Variants in FBXL18 observed in about 807,000 individuals in gnomAD.
FBXL18 encodes the protein F-box and leucine rich repeat protein 18, also known as F-box/LRR-repeat protein 18.
FBXL18 carries 36 observed loss-of-function variants against 46.0 expected under a neutral mutation model. The observed-to-expected ratio is 0.78, with a 90% confidence interval of 0.60 to 1.03. The LOEUF is 1.03. FBXL18 is among the 50% of genes least tolerant of loss of function. The pLI, the probability that FBXL18 is intolerant of heterozygous loss-of-function variation, is 0.00. For synonymous variants in FBXL18, 557 were observed against 465.3 expected (o/e 1.20, Z -2.54); for missense variants, 977 against 1,004.1 (o/e 0.97, Z 0.36).
In FBXL18 at chr7:5,496,742, G is replaced by C. The variant is rs961518707; in HGVS notation, c.1781+3746C>G. On this transcript the variant is annotated intron_variant, in intron 3 of 4. Coordinates refer to ENST00000382368, the MANE Select transcript of FBXL18 (RefSeq NM_024963.6). The surrounding 1 kb of genome is among the most constrained non-coding windows in gnomAD (Gnocchi z 4.8). Reference sequence around the variant, plus strand: ...ACAAAAAATACAAAAAACTAGCCAGGCGGCCGGGCACAGTGGCTTACGCCT... The same window carrying C: ...ACAAAAAATACAAAAAACTAGCCAGCCGGCCGGGCACAGTGGCTTACGCCT... Among the ~76,000 whole-genome samples, 18 of 152,096 alleles carry C rather than the reference G, an allele frequency of 1.2e-4. No homozygotes were observed. The highest frequency in any genetic ancestry group is 2.1e-4 in the Non-Finnish European group (14 of 67,982).
intron 4 of FBXL18, among the ~76,000 whole-genome samples, chr7:5,456,243 C>T (rs957817472): frequency 6.6e-6 from 1 of 152,188 alleles, no homozygotes; most frequent in Non-Finnish European, 1.5e-5. Flanking sequence ...TCTGCTCTCT[C>T]GGGACAGTGC....
chr7:5,509,871 C>T (rs912415788), intron 1 of FBXL18, among the ~76,000 whole-genome samples: 8 of 152,196 alleles, frequency 5.3e-5, no homozygotes, highest in East Asian at 1.9e-4. Context: ...TCTCCATCTC[C>T]GGCCAGAGGA....
At chr7:5,489,353 G>A in intron 4 of FBXL18, 23 of 517,962 alleles carry the variant, frequency 4.4e-5, no homozygotes, top group South Asian at 2.9e-4. Flanking sequence ...GGTTGATGTT[G>A]GCCAGGCGTT....
At chr7:5,493,688 T>TGCGTGCGTGC (rs1284471744) in intron 3 of FBXL18, among the ~76,000 whole-genome samples, 3 of 141,524 alleles carry the variant, frequency 2.1e-5, no homozygotes, top group Admixed American at 1.4e-4. Context: ...TGCGTGCGTG[T>TGCGTGCGTGC]GTGTGTGTGG....
chr7:5,459,211 C>G (rs1783211193), intron 4 of FBXL18, among the ~76,000 whole-genome samples: 1 of 152,218 alleles, frequency 6.6e-6, no homozygotes, highest in Non-Finnish European at 1.5e-5. Context: ...TACTCCAGAA[C>G]TCAGGCCGGC....
chr7:5,482,001 C>T, intron 4 of FBXL18, 70 bp from the exon 5 acceptor site: 1 of 1,521,098 alleles, frequency 6.6e-7, no homozygotes, highest in Non-Finnish European at 8.8e-7. Context: ...GCTGGGGAAG[C>T]CCAGGAGGCA....
chr7:5,467,299 C>T (rs768372942), intron 4 of FBXL18, among the ~76,000 whole-genome samples: 4 of 151,994 alleles, frequency 2.6e-5, no homozygotes, highest in East Asian at 1.9e-4. Flanking sequence ...TGCAGTGAGC[C>T]GAGATTGCGC....
chr7:5,499,913 T>C lies in FBXL18; in HGVS notation c.1781+575A>G, dbSNP rs1402798939. Among the ~76,000 whole-genome samples, 4 of 150,742 alleles carry C rather than the reference T, an allele frequency of 2.7e-5. No individual in the cohort carries two copies. The East Asian group carries it at 5.8e-4, about 22-fold the overall frequency. ...GTCTGTACACAATTTTAAAAATATA[T>C]ATATAGCCAGGCATGATGGCATATG... On this transcript the variant is annotated intron_variant, in intron 3 of 4. Transcript: ENST00000382368.
intron 1 of FBXL18, among the ~76,000 whole-genome samples, chr7:5,508,776 C>T (rs1784456788): frequency 6.6e-6 from 1 of 152,080 alleles, no homozygotes; most frequent in African/African-American, 2.4e-5. Flanking sequence ...CAGGGACAGT[C>T]CTTATCAAGG....
intron 4 of FBXL18, among the ~76,000 whole-genome samples, chr7:5,460,851 G>C (rs1030041061): frequency 1.3e-5 from 2 of 152,124 alleles, no homozygotes; most frequent in Admixed American, 1.3e-4. Flanking sequence ...CTGCAGCCCC[G>C]AAACATTTGT....
chr7:5,467,089 C>T (rs1410604444), intron 4 of FBXL18, among the ~76,000 whole-genome samples: 6 of 152,156 alleles, frequency 3.9e-5, no homozygotes, highest in Admixed American at 1.3e-4. Flanking sequence ...CAGTGGCTCA[C>T]GCCTGTAATC....
rs11769770 is a variant in FBXL18 at position 5,463,745 on chromosome 7, T to A, written c.2001-15902A>T. 8.7e-3 allele frequency among the ~76,000 whole-genome samples: 548 copies of A among 62,702 alleles called. 6 individuals carry two copies. The highest frequency in any genetic ancestry group is 0.034 in the Middle Eastern group (4 of 118). The allele number at this position is 62,702 out of a possible 152,430, so 41.1% of individuals were successfully genotyped here. A position where few individuals can be genotyped will look rare whatever the true frequency, so the allele number is the denominator to read the frequency against. On this transcript the variant is annotated intron_variant and NMD_transcript_variant, in intron 4 of 6. Transcript: ENST00000415009. ...ATTTATTTATTTTTTTTTTTTTTTT[T>A]TTTTTTTTTTTTTGAGACGGAGTCT...
chr7:5,467,235 C>G (rs1414132298), intron 4 of FBXL18, among the ~76,000 whole-genome samples: 2 of 152,144 alleles, frequency 1.3e-5, no homozygotes, highest in Admixed American at 6.6e-5. Context: ...CCTGTAGTCC[C>G]AGCTGCTCGG....
intron 4 of FBXL18, among the ~76,000 whole-genome samples, chr7:5,470,724 G>C (rs868372664): frequency 7.1e-6 from 1 of 141,806 alleles, no homozygotes. Context: ...CCCTTCCCGG[G>C]GGGGAGATGT....
Position 5,456,986 on chromosome 7 carries a change from A to G in FBXL18, c.2001-9143T>C, listed in dbSNP as rs112325967. ...ACCATGTTGGCCAGGCTGGTCTCAA[A>G]CTCCTGTCCTCAAGTGATCCACCTG... On this transcript the variant is annotated intron_variant and NMD_transcript_variant, in intron 4 of 6. Coordinates refer to the FBXL18 transcript ENST00000415009. Among the ~76,000 whole-genome samples, 747 of 152,166 alleles carry G rather than the reference A, an allele frequency of 4.9e-3. 6 individuals carry two copies. Among genetic ancestry groups the G allele is most frequent in the South Asian group, 0.017 (80 of 4,812 alleles).
intron 4 of FBXL18, 134 bp downstream of exon 4, chr7:5,491,097 T>A: frequency 1.2e-6 from 1 of 811,504 alleles, no homozygotes; most frequent in Non-Finnish European, 2.0e-6. Flanking sequence ...CCCCTTGCTT[T>A]CACCCTGTCA....
chr7:5,472,018 G>T (rs1487113696), downstream of FBXL18, among the ~76,000 whole-genome samples: 2 of 152,270 alleles, frequency 1.3e-5, no homozygotes, highest in South Asian at 2.1e-4. Context: ...AGCCCAGGAG[G>T]TCGAGGCTGC....
rs929510629 is a variant in FBXL18 at position 5,477,829 on chromosome 7, C to T, written c.*3946G>A. 6.6e-6 allele frequency: 1 copy of T among 152,404 alleles called. No individual in the cohort carries two copies. The highest frequency in any genetic ancestry group is 2.4e-5 in the African/African-American group (1 of 41,470). 9.4% of individuals were successfully genotyped at this position (152,404 alleles called of 1,614,324 possible). On this transcript the variant is annotated 3_prime_UTR_variant, in exon 5 of 5. Transcript: ENST00000382368. This position sits in a 1 kb window ranked among gnomAD's most constrained non-coding sequence, Gnocchi z 4.4. ...ATCAAGGTCCCCGCATCCAGGCCTCCAGCACCCTCCATCCCTGCAGGAGCA... is the reference window on the plus strand; with the variant it reads ...ATCAAGGTCCCCGCATCCAGGCCTCTAGCACCCTCCATCCCTGCAGGAGCA...
In FBXL18 at chr7:5,464,830, G is replaced by A. The variant is rs552593757; in HGVS notation, c.2001-16987C>T. On this transcript the variant is annotated intron_variant and NMD_transcript_variant, in intron 4 of 6. Coordinates refer to the FBXL18 transcript ENST00000415009. The stretch of plus-strand genomic sequence containing the variant: ...TGTAATCCCAGCACTTTGGGAGGCC[G>A]AGGTGGGCAAATCACCAGAGGTTAG... 2.5e-3 allele frequency among the ~76,000 whole-genome samples: 383 copies of A among 151,008 alleles called. 1 individual carries two copies. Among genetic ancestry groups the A allele is most frequent in the African/African-American group, 8.9e-3 (365 of 41,238 alleles).
Sources: allele counts gnomAD v4.1 joint callset (sites outside exome capture counted in the v4.1 genomes callset), GRCh38; gene constraint gnomAD v4.1.1; non-coding constraint Gnocchi (gnomAD v3.1); transcripts MANE v1.5; gene names NCBI Gene and HGNC (gene_info 2026-07-23, HGNC 2026-07-21).